The following LRRC9 variants were observed in gnomAD, a reference collection of about 807,000 sequenced individuals.
LRRC9 encodes leucine-rich repeat-containing protein 9.
LRRC9 carries 122 observed loss-of-function variants against 63.2 expected under a neutral mutation model. The observed-to-expected ratio is 1.93, with a 90% CI of 1.67 to 2.24. LRRC9 has a LOEUF of 2.24. Among genes scored for constraint, LRRC9 ranks in the 30% most tolerant of loss-of-function variants. LRRC9 has a pLI of 0.00. For synonymous variants in LRRC9, 366 were observed against 213.1 expected, an observed-to-expected ratio of 1.72 and a Z score of -6.25; for missense variants, 1,071 against 627.7, an observed-to-expected ratio of 1.71 and a Z score of -7.55.
chr14:59,974,469 A>G, intron 12 of LRRC9, 107 bp from the exon 13 acceptor site: 1 of 432,136 alleles, frequency 2.3e-6, no homozygotes, highest in Non-Finnish European at 4.1e-6. Context: ...TCCGGCCTGC[A>G]GATTTCTTTG....
intron 19 of LRRC9, among the ~76,000 whole-genome samples, chr14:59,999,805 G>C (rs1889171146): frequency 6.6e-6 from 1 of 151,842 alleles, no homozygotes; most frequent in Non-Finnish European, 1.5e-5. Context: ...TTTAGTTTTG[G>C]ATCTATTCAA....
chr14:60,000,367 A>G (rs1162942829), intron 19 of LRRC9, among the ~76,000 whole-genome samples: 2 of 152,136 alleles, frequency 1.3e-5, no homozygotes, highest in Non-Finnish European at 2.9e-5. Context: ...GATGGGTTCA[A>G]TCCTACCCCA....
In LRRC9 at chr14:59,986,644, A is replaced by G. The variant is rs1260162428; in HGVS notation, c.2211+1420A>G. ...CACTTCCAAAATTACGACAGTCATT[A>G]TAATTTTGCTTAGGCACAGATTTAA... On this transcript the variant is annotated intron_variant, in intron 17 of 31. Coordinates refer to ENST00000445360, the Ensembl canonical transcript of LRRC9. This position sits in a 1 kb window ranked among gnomAD's most constrained non-coding sequence, Gnocchi z 4.7. Among the ~76,000 whole-genome samples, 2 of 152,232 alleles carry G rather than the reference A, an allele frequency of 1.3e-5. No homozygotes were observed. The highest frequency in any genetic ancestry group is 2.9e-5 in the Non-Finnish European group (2 of 68,038).
intron 23 of LRRC9, among the ~76,000 whole-genome samples, chr14:60,009,141 A>C (rs1210679236): frequency 3.9e-5 from 6 of 152,248 alleles, no homozygotes; most frequent in African/African-American, 1.2e-4. Flanking sequence ...GGCCACATGA[A>C]AAAGCACTTA....
intron 30 of LRRC9, among the ~76,000 whole-genome samples, chr14:60,056,529 G>C (rs1353887185): frequency 6.6e-6 from 1 of 151,962 alleles, no homozygotes; most frequent in African/African-American, 2.4e-5. Context: ...TCCCCTTACA[G>C]TACTATAATG....
In LRRC9 at chr14:59,930,049, C is replaced by T. The variant is rs754272276; in HGVS notation, c.268-869C>T. On this transcript the variant is annotated intron_variant, in intron 3 of 31. Coordinates refer to ENST00000445360, the Ensembl canonical transcript of LRRC9. This position sits in a 1 kb window ranked among gnomAD's most constrained non-coding sequence, Gnocchi z 4.9. ...AATTTACCTAAATAACAAACCTGCA[C>T]ATGCACCCCTGAACTTAAAATATAA... Among the ~76,000 whole-genome samples, 31 of 152,046 alleles carry T rather than the reference C, an allele frequency of 2.0e-4. No individual in the cohort carries two copies. Among genetic ancestry groups the T allele is most frequent in the Non-Finnish European group, 4.3e-4 (29 of 67,968 alleles).
At chr14:60,024,423 C>G (rs941654494) in intron 27 of LRRC9, among the ~76,000 whole-genome samples, 1 of 151,968 alleles carries the variant, frequency 6.6e-6, no homozygotes, top group Non-Finnish European at 1.5e-5. Context: ...GAGAAAAACA[C>G]AGGGCTTGGG....
chr14:59,937,002 C>T (rs1275722355), intron 6 of LRRC9, among the ~76,000 whole-genome samples: 2 of 152,022 alleles, frequency 1.3e-5, no homozygotes, highest in African/African-American at 4.8e-5. Flanking sequence ...ACCCTCCTAC[C>T]TCAGGCACCA....
chr14:60,007,042 C>T (rs755857827), intron 22 of LRRC9, among the ~76,000 whole-genome samples: 7 of 152,118 alleles, frequency 4.6e-5, no homozygotes, highest in Non-Finnish European at 7.4e-5. Context: ...TTGAACAAAA[C>T]AGAGGGTTTC....
Position 60,053,769 on chromosome 14 carries a change from T to C in LRRC9, c.4131+564T>C, listed in dbSNP as rs966702493. The C allele has an allele frequency of 4.4e-5, 16 of 365,634 alleles. 1 individual carries two copies. Among genetic ancestry groups the C allele is most frequent in the South Asian group, 3.0e-4 (14 of 46,236 alleles). 22.6% of individuals were successfully genotyped at this position (365,634 alleles called of 1,614,324 possible). A position where few individuals can be genotyped will look rare whatever the true frequency, so the allele number is the denominator to read the frequency against. Reference sequence around the variant, plus strand: ...GGAAAGAGATTAAAAAGGGAAGAAATAATAAAAGCATGTCATTTGAAAATT... The same window carrying C: ...GGAAAGAGATTAAAAAGGGAAGAAACAATAAAAGCATGTCATTTGAAAATT... On this transcript the variant is annotated intron_variant, in intron 30 of 31. Coordinates refer to ENST00000445360, the Ensembl canonical transcript of LRRC9. The surrounding 1 kb of genome is among the most constrained non-coding windows in gnomAD (Gnocchi z 4.8).
rs1889533566 is a variant in LRRC9 at position 60,003,209 on chromosome 14, T to A, written c.2665-412T>A. Among the ~76,000 whole-genome samples the A allele has an allele frequency of 6.6e-6, 1 of 152,224 alleles. No homozygotes were observed. ...TTAGAATGGCCCTTTAAATTTGTCCTAAGTTGGGCTGAGATGGTCAGGCCT... is the reference window on the plus strand; with the variant it reads ...TTAGAATGGCCCTTTAAATTTGTCCAAAGTTGGGCTGAGATGGTCAGGCCT... On this transcript the variant is annotated intron_variant, in intron 20 of 31. Coordinates refer to ENST00000445360, the Ensembl canonical transcript of LRRC9. This position sits in a 1 kb window ranked among gnomAD's most constrained non-coding sequence, Gnocchi z 4.2.
chr14:59,946,117 A>C (rs1169132991), intron 8 of LRRC9, among the ~76,000 whole-genome samples: 2 of 151,476 alleles, frequency 1.3e-5, no homozygotes, highest in Non-Finnish European at 2.9e-5. Flanking sequence ...ACTATTAATA[A>C]TTAAAAAATT....
exon 18 of LRRC9, chr14:59,997,714 G>C (rs1341415603): frequency 1.0e-5 from 7 of 702,502 alleles, no homozygotes; most frequent in Admixed American, 2.0e-5. Context: ...GAGGGATTTA[G>C]AGGTCTGATG....
chr14:60,065,916 T>C (rs1020953164), downstream of LRRC9, among the ~76,000 whole-genome samples: 1 of 151,864 alleles, frequency 6.6e-6, no homozygotes, highest in Non-Finnish European at 1.5e-5. Flanking sequence ...GTGAAATTAG[T>C]CTGATTTCTA....
Position 60,051,835 on chromosome 14 carries a change from C to T in LRRC9, c.3991-1230C>T, listed in dbSNP as rs1203782327. ...TGGAGACATGGGCTCACAAGGGGATCTCCCAATTTGTGGGTTGCAAAGATT... is the reference window on the plus strand; with the variant it reads ...TGGAGACATGGGCTCACAAGGGGATTTCCCAATTTGTGGGTTGCAAAGATT... On this transcript the variant is annotated intron_variant, in intron 29 of 31. Coordinates refer to ENST00000445360, the Ensembl canonical transcript of LRRC9. This position sits in a 1 kb window ranked among gnomAD's most constrained non-coding sequence, Gnocchi z 4.7. 4.6e-5 allele frequency among the ~76,000 whole-genome samples: 7 copies of T among 152,328 alleles called. No individual in the cohort carries two copies. In the East Asian group the frequency reaches 1.4e-3, roughly 29 times the overall value.
intron 12 of LRRC9, among the ~76,000 whole-genome samples, chr14:59,968,427 A>C (rs7150113): frequency 0.57 from 87,238 of 152,050 alleles, 25,740 homozygotes; most frequent in Non-Finnish European, 0.64. Flanking sequence ...AAAATGGTAC[A>C]TTCTATCTTA....
chr14:60,020,038 T>C (rs1566881941), intron 26 of LRRC9, among the ~76,000 whole-genome samples: 1 of 151,836 alleles, frequency 6.6e-6, no homozygotes, highest in Non-Finnish European at 1.5e-5. Flanking sequence ...TTGACAAATG[T>C]ATTCAATCAT....
intron 23 of LRRC9, among the ~76,000 whole-genome samples, chr14:60,012,622 T>C (rs1195692607): frequency 2.0e-5 from 3 of 152,218 alleles, no homozygotes; most frequent in Non-Finnish European, 4.4e-5. Flanking sequence ...ACAATAGCCA[T>C]TGGGCCAAAT....
intron 15 of LRRC9, among the ~76,000 whole-genome samples, 180 bp from the exon 16 acceptor site, chr14:59,981,668 T>C (rs1038334525): frequency 6.6e-6 from 1 of 152,180 alleles, no homozygotes; most frequent in Non-Finnish European, 1.5e-5. Flanking sequence ...TGGGAATAGA[T>C]ACACCATGCA....
Sources: allele counts gnomAD v4.1 joint callset (sites outside exome capture counted in the v4.1 genomes callset), GRCh38; gene constraint gnomAD v4.1.1; non-coding constraint Gnocchi (gnomAD v3.1); transcripts MANE v1.5; gene names NCBI Gene and HGNC (gene_info 2026-07-23, HGNC 2026-07-21).